Variants in AP1G1 observed in about 807,000 individuals in gnomAD.
The protein encoded by AP1G1 is AP-1 complex subunit gamma-1.
AP1G1 carries 7 observed loss-of-function variants against 108.3 expected under a neutral mutation model. The ratio of observed to expected loss-of-function variants is 0.06; its 90% CI spans 0.04 to 0.12. The LOEUF (loss-of-function observed/expected upper bound fraction) is 0.12. Ranked by LOEUF, AP1G1 falls within the 10% of genes least tolerant of loss-of-function variation. The pLI, the probability that AP1G1 is intolerant of heterozygous loss-of-function variation, is 1.00. For missense variants in AP1G1, 756 were observed against 1,010.7 expected (o/e 0.75, Z 3.42); for synonymous variants, 379 against 353.5 (o/e 1.07, Z -0.81).
intron 2 of AP1G1, among the ~76,000 whole-genome samples, chr16:71,780,145 C>G (rs929687358): frequency 3.3e-5 from 5 of 151,700 alleles, no homozygotes; most frequent in African/African-American, 1.2e-4. Context: ...AGGCACGCAC[C>G]ACTATATCCG....
chr16:71,791,928 A>ATT (rs1040870566), intron 1 of AP1G1, among the ~76,000 whole-genome samples: 1 of 151,776 alleles, frequency 6.6e-6, no homozygotes, highest in African/African-American at 2.4e-5. Flanking sequence ...TGCTTGGCTA[A>ATT]TTTTTGTATT....
chr16:71,807,862 A>C, intron 1 of AP1G1: 14 of 1,267,554 alleles, frequency 1.1e-5, no homozygotes, highest in Non-Finnish European at 1.4e-5. Flanking sequence ...AATAGGGGAG[A>C]AAAAAAAATA....
intron 6 of AP1G1, among the ~76,000 whole-genome samples, chr16:71,768,917 C>CAAAAAAAAAAAAAA (rs58725744): frequency 2.4e-5 from 1 of 42,188 alleles, no homozygotes; most frequent in African/African-American, 1.1e-4. Context: ...GACTCTGTCT[C>CAAAAAAAAAAAAAA]AAAAAAAAAA....
chr16:71,763,918 T>C (rs1270667987), intron 9 of AP1G1, among the ~76,000 whole-genome samples: 1 of 152,204 alleles, frequency 6.6e-6, no homozygotes, highest in Non-Finnish European at 1.5e-5. Flanking sequence ...TACATCTTAA[T>C]AATTGTTGTG....
chr16:71,808,086 G>A, intron 1 of AP1G1: 1 of 1,169,754 alleles, frequency 8.5e-7, no homozygotes, highest in East Asian at 6.1e-5. Flanking sequence ...GAACCGTCCC[G>A]ACTCTTTCAG....
rs144365960 is a variant in AP1G1 at position 71,796,768 on chromosome 16, T to C, written c.-3-7286A>G. Among the ~76,000 whole-genome samples the C allele has an allele frequency of 1.3e-3, 195 of 152,258 alleles. 1 individual carries two copies. Among genetic ancestry groups the C allele is most frequent in the African/African-American group, 4.4e-3 (181 of 41,550 alleles). On this transcript the variant is annotated intron_variant, in intron 1 of 22. Coordinates refer to ENST00000299980, the MANE Select transcript of AP1G1 (RefSeq NM_001128.6). Reference sequence around the variant, plus strand: ...ATTGTCACAGTAATTACAGGAATCTTATTTTATGCTTAATTATCCATAACC... The same window carrying C: ...ATTGTCACAGTAATTACAGGAATCTCATTTTATGCTTAATTATCCATAACC...
intron 12 of AP1G1, 83 bp from the exon 13 acceptor site, chr16:71,753,970 T>TG (rs1286892985): frequency 7.6e-7 from 1 of 1,318,360 alleles, no homozygotes; most frequent in Non-Finnish European, 1.1e-6. Flanking sequence ...CCAAGCAGGG[T>TG]GACTCACACC....
At chr16:71,758,514 T>C (rs747234478) in intron 11 of AP1G1, 1 of 563,814 alleles carries the variant, frequency 1.8e-6, no homozygotes, top group South Asian at 1.4e-5. Context: ...CTAGGTAAAC[T>C]TTTGCCTAGC....
At chr16:71,777,873 G>A in intron 2 of AP1G1, 1 of 294,138 alleles carries the variant, frequency 3.4e-6, no homozygotes, top group Non-Finnish European at 6.9e-6. Context: ...TAGGGTCCCA[G>A]GGCCAAGACA....
At chr16:71,760,678 G>A (rs574845374) in intron 10 of AP1G1, among the ~76,000 whole-genome samples, 1 of 152,152 alleles carries the variant, frequency 6.6e-6, no homozygotes, top group East Asian at 1.9e-4. Flanking sequence ...CTGAGTAGCT[G>A]GGACTACAGG....
intron 9 of AP1G1, among the ~76,000 whole-genome samples, chr16:71,762,325 T>C (rs2031127783): frequency 6.6e-6 from 1 of 152,100 alleles, no homozygotes; most frequent in Non-Finnish European, 1.5e-5. Flanking sequence ...ACATATGTGG[T>C]TTTTGTCCCT....
At chr16:71,793,813 G>C (rs564294072) in intron 1 of AP1G1, among the ~76,000 whole-genome samples, 2 of 152,066 alleles carry the variant, frequency 1.3e-5, no homozygotes, top group African/African-American at 2.4e-5. Context: ...TGGCTCAAGC[G>C]ATCCTCCCAC....
chr16:71,763,672 TTAACCTAAGTTAC>T (rs1461421179), intron 9 of AP1G1, among the ~76,000 whole-genome samples: 1 of 152,152 alleles, frequency 6.6e-6, no homozygotes, highest in Non-Finnish European at 1.5e-5. Flanking sequence ...GGAAAAGAAC[TTAACCTAAGTTAC>T]TTTGGTTATC....
intron 9 of AP1G1, among the ~76,000 whole-genome samples, chr16:71,762,641 C>A (rs2031142797): frequency 6.6e-6 from 1 of 152,192 alleles, no homozygotes; most frequent in African/African-American, 2.4e-5. Context: ...ACATGTGGAG[C>A]TTCCTGGAGG....
chr16:71,764,011 A>G (rs2031213529), intron 9 of AP1G1, among the ~76,000 whole-genome samples: 1 of 152,206 alleles, frequency 6.6e-6, no homozygotes, highest in Non-Finnish European at 1.5e-5. Context: ...ATATCTGCCA[A>G]AATATTTTTA....
At chr16:71,783,743 G>C (rs1224565477) in intron 2 of AP1G1, among the ~76,000 whole-genome samples, 1 of 152,178 alleles carries the variant, frequency 6.6e-6, no homozygotes, top group Non-Finnish European at 1.5e-5. Context: ...CTGACATATG[G>C]AAATGTAGAT....
chr16:71,776,618 T>C (rs1037979760), intron 2 of AP1G1, among the ~76,000 whole-genome samples: 3 of 152,210 alleles, frequency 2.0e-5, no homozygotes, highest in Non-Finnish European at 4.4e-5. Context: ...GTTCCAAGAA[T>C]CAGATATCAG....
intron 15 of AP1G1, among the ~76,000 whole-genome samples, chr16:71,748,861 C>T (rs1426837310): frequency 1.3e-5 from 2 of 151,880 alleles, no homozygotes; most frequent in Non-Finnish European, 2.9e-5. Flanking sequence ...GTTTTAAAAT[C>T]TCACAATGGG....
At position 71,773,240 on chromosome 16, in the gene AP1G1, T is replaced by C. The variant is rs146312098; in HGVS notation, c.449A>G (p.Asn150Ser). 5.0e-6 allele frequency: 8 copies of C among 1,613,492 alleles called. No homozygotes were observed. The highest frequency in any genetic ancestry group is 6.8e-6 in the Non-Finnish European group (8 of 1,179,988). ...AGTTACCTTTTTTCTTAAGTAAGAGTTGGAGGTTTTCAGGAGCTTCTCTAC... is the reference window on the plus strand; with the variant it reads ...AGTTACCTTTTTTCTTAAGTAAGAGCTGGAGGTTTTCAGGAGCTTCTCTAC... Reference protein sequence around the residue: ...GEVEKLLKTSNSYLRKKAALC... With the variant: ...GEVEKLLKTSSSYLRKKAALC... Residue 150 changes from asparagine to serine, a missense_variant, in exon 4 of 23, where the codon AAC becomes AGC. By Grantham distance (46) the Asn-to-Ser change is conservative. Transcript: ENST00000299980.
Sources: allele counts gnomAD v4.1 joint callset (sites outside exome capture counted in the v4.1 genomes callset), GRCh38; gene constraint gnomAD v4.1.1; transcripts MANE v1.5; gene names NCBI Gene and HGNC (gene_info 2026-07-23, HGNC 2026-07-21).